The following CLEC16A variants were observed in gnomAD, a reference collection of about 807,000 sequenced individuals.
CLEC16A encodes the protein C-type lectin domain containing 16A.
A neutral mutation model predicts 109.5 loss-of-function variants in CLEC16A; 51 were observed. The ratio of observed to expected loss-of-function variants is 0.47; its 90% CI spans 0.37 to 0.59. The LOEUF (loss-of-function observed/expected upper bound fraction) is 0.59. Among genes scored for constraint, CLEC16A ranks in the 20% least tolerant of loss-of-function variants. The pLI is 0.00. For missense variants in CLEC16A, 1,339 were observed against 1,394.0 expected (o/e 0.96, Z 0.63); for synonymous variants, 673 against 564.2 (o/e 1.19, Z -2.73).
intron 19 of CLEC16A, among the ~76,000 whole-genome samples, chr16:11,094,571 A>G (rs1432887197): frequency 2.0e-5 from 3 of 152,252 alleles, no homozygotes; most frequent in African/African-American, 7.2e-5. Context: ...TTTCCAGGCC[A>G]CATCAGGCAA....
rs2068657211 is a variant in CLEC16A at position 11,174,355 on chromosome 16, C to A, written c.2807-3980C>A. The A allele has an allele frequency of 2.5e-6, 1 of 398,050 alleles. No homozygotes were observed. The highest frequency in any genetic ancestry group is 5.2e-6 in the Non-Finnish European group (1 of 191,452). 24.7% of individuals were successfully genotyped at this position (398,050 alleles called of 1,614,324 possible). A position where few individuals can be genotyped will look rare whatever the true frequency, so the allele number is the denominator to read the frequency against. On this transcript the variant is annotated intron_variant, in intron 23 of 23. Transcript: ENST00000409790. This position sits in a 1 kb window ranked among gnomAD's most constrained non-coding sequence, Gnocchi z 4.7. ...ATTTCCACAGTCGGCAGGGTCCGCGCTGGCAAGGTGGGCCAAGCTGGGCCT... is the reference window on the plus strand; with the variant it reads ...ATTTCCACAGTCGGCAGGGTCCGCGATGGCAAGGTGGGCCAAGCTGGGCCT...
Position 11,178,431 on chromosome 16 carries a change from TG to T in CLEC16A, c.2905del (p.Ala969ProfsTer34), listed in dbSNP as rs1181880314. The T allele has an allele frequency of 6.2e-7, 1 of 1,613,630 alleles. No homozygotes were observed. The highest frequency in any genetic ancestry group is 8.5e-7 in the Non-Finnish European group (1 of 1,179,886). On this transcript the variant is annotated frameshift_variant, in exon 24 of 24. Coordinates refer to ENST00000409790, the MANE Select transcript of CLEC16A (RefSeq NM_015226.3). LOFTEE classifies it low-confidence loss of function (END_TRUNC). The surrounding 1 kb of genome is among the most constrained non-coding windows in gnomAD (Gnocchi z 6.5). ...GCAGACTCTAAGCCCAGCAAGAACG[TG>T]GCCAGGAGCGCAGCCGTGGAGACAG... ...TEADSKPSKN[V>X]ARSAAVETAS...
chr16:11,011,243 G>T (rs772204633), intron 11 of CLEC16A, among the ~76,000 whole-genome samples: 49 of 152,316 alleles, frequency 3.2e-4, no homozygotes, highest in Middle Eastern at 6.8e-3. Flanking sequence ...TAATGGGCAG[G>T]AAAAGATGAT....
At chr16:11,056,530 C>A (rs534975478) in intron 18 of CLEC16A, 1 of 152,142 alleles carries the variant, frequency 6.6e-6, no homozygotes, top group East Asian at 1.9e-4. Context: ...AAGCCACTAG[C>A]CATCTGTATA....
At chr16:11,117,956 G>A (rs2052123762) in intron 19 of CLEC16A, among the ~76,000 whole-genome samples, 1 of 151,954 alleles carries the variant, frequency 6.6e-6, no homozygotes, top group Non-Finnish European at 1.5e-5. Context: ...ATTGAATTTG[G>A]GGATAACTTT....
intron 22 of CLEC16A, among the ~76,000 whole-genome samples, chr16:11,163,098 C>G (rs2153089689): frequency 6.6e-6 from 1 of 152,280 alleles, no homozygotes; most frequent in East Asian, 1.9e-4. Context: ...ATTCATACAC[C>G]AAAAGCCTCT....
chr16:11,105,170 C>T (rs1214487787), intron 19 of CLEC16A, among the ~76,000 whole-genome samples: 1 of 152,158 alleles, frequency 6.6e-6, no homozygotes. Context: ...ATTCCGAGAG[C>T]AGAGATAAGT....
intron 3 of CLEC16A, among the ~76,000 whole-genome samples, chr16:10,968,263 T>C (rs965690151): frequency 6.6e-6 from 1 of 152,254 alleles, no homozygotes; most frequent in Non-Finnish European, 1.5e-5. Context: ...CTAGTAGACA[T>C]GTTTTTGCCG....
intron 10 of CLEC16A, among the ~76,000 whole-genome samples, chr16:10,986,936 C>A (rs548773552): frequency 6.6e-6 from 1 of 151,980 alleles, no homozygotes; most frequent in Non-Finnish European, 1.5e-5. Flanking sequence ...TCACTGCAAC[C>A]TCTGTCTCCA....
Position 11,036,222 on chromosome 16 carries a change from C to T in CLEC16A, c.1538-3532C>T, listed in dbSNP as rs76689877. On this transcript the variant is annotated intron_variant, in intron 13 of 23. Transcript: ENST00000409790. ...GCTAGCTGCCTCTCCTGGGCCCCTC[C>T]ACTGCATCACCCTCCAGGATCCTGG... 5.4e-3 allele frequency: 822 copies of T among 152,732 alleles called. 6 individuals are homozygous for T. The highest frequency in any genetic ancestry group is 0.01 in the Middle Eastern group (3 of 294). The allele number at this position is 152,732 out of a possible 1,614,324, so 9.5% of individuals were successfully genotyped here.
chr16:11,157,299 G>A, intron 22 of CLEC16A: 2 of 1,107,144 alleles, frequency 1.8e-6, no homozygotes, highest in Non-Finnish European at 1.1e-6. Context: ...GGCCCGGGAG[G>A]CCATACGAAC....
chr16:11,151,139 G>C (rs1384426098), intron 22 of CLEC16A, among the ~76,000 whole-genome samples: 4 of 152,196 alleles, frequency 2.6e-5, no homozygotes, highest in Non-Finnish European at 4.4e-5. Context: ...AAAACAGTCT[G>C]AATTTGCCAG....
chr16:11,155,079 T>A (rs536279089), intron 22 of CLEC16A, among the ~76,000 whole-genome samples: 1 of 152,166 alleles, frequency 6.6e-6, no homozygotes, highest in Non-Finnish European at 1.5e-5. Flanking sequence ...TGAGCCGGGA[T>A]CATGCCACTG....
chr16:11,177,674 C>T (rs1175279263), intron 23 of CLEC16A, among the ~76,000 whole-genome samples: 1 of 151,906 alleles, frequency 6.6e-6, no homozygotes, highest in East Asian at 1.9e-4. Flanking sequence ...GGAACCTCAC[C>T]TGCCTTGTCC....
chr16:11,124,815 G>A (rs552052136), intron 21 of CLEC16A, among the ~76,000 whole-genome samples: 32 of 152,290 alleles, frequency 2.1e-4, no homozygotes, highest in African/African-American at 6.5e-4. Context: ...GACCAGGCAC[G>A]GTGGTTCATG....
At chr16:11,097,604 C>CA (rs1164917784) in intron 19 of CLEC16A, among the ~76,000 whole-genome samples, 2 of 152,146 alleles carry the variant, frequency 1.3e-5, no homozygotes, top group African/African-American at 4.8e-5. Context: ...ATGTTATGAG[C>CA]AATCCATCAG....
At chr16:10,947,956 C>A (rs978468401) in intron 1 of CLEC16A, among the ~76,000 whole-genome samples, 1 of 151,960 alleles carries the variant, frequency 6.6e-6, no homozygotes, top group Non-Finnish European at 1.5e-5. Context: ...TGCAGTGGCA[C>A]GATCTTGGCT....
intron 10 of CLEC16A, among the ~76,000 whole-genome samples, chr16:11,001,901 C>T (rs1045523995): frequency 2.6e-5 from 4 of 152,152 alleles, no homozygotes; most frequent in African/African-American, 9.7e-5. Flanking sequence ...CTAATGAGAG[C>T]CAGAATTTGA....
chr16:11,015,956 C>T (rs1330497257), intron 11 of CLEC16A, among the ~76,000 whole-genome samples: 2 of 152,222 alleles, frequency 1.3e-5, no homozygotes, highest in African/African-American at 4.8e-5. Flanking sequence ...AGGAGGCTAG[C>T]CTCACAGGCT....
Sources: gnomAD v4.1 joint callset for allele counts (sites outside exome capture counted in the v4.1 genomes callset) on GRCh38, gnomAD v4.1.1 for gene constraint, Gnocchi (gnomAD v3.1) non-coding constraint, MANE v1.5 for transcripts, NCBI Gene and HGNC (gene_info 2026-07-23, HGNC 2026-07-21) for gene names.